The following MAP3K5 variants were observed in gnomAD, a reference collection of about 807,000 sequenced individuals.
MAP3K5 encodes the protein ASK-1.
In MAP3K5, 56 loss-of-function variants were observed where a neutral mutation model predicts 158.7. The observed-to-expected ratio is 0.35, with a 90% CI of 0.28 to 0.44. The LOEUF (loss-of-function observed/expected upper bound fraction) is 0.44. Ranked by LOEUF, MAP3K5 falls within the 20% of genes least tolerant of loss-of-function variation. The probability of loss-of-function intolerance (pLI) is 1.00; values close to 1 mark genes in which losing one functional copy is unlikely to be tolerated. For synonymous variants in MAP3K5, 579 were observed against 601.7 expected, an observed-to-expected ratio of 0.96 and a Z score of 0.55; for missense variants, 1,294 against 1,674.8, an observed-to-expected ratio of 0.77 and a Z score of 3.97.
intron 24 of MAP3K5, among the ~76,000 whole-genome samples, chr6:136,582,121 G>A (rs576475693): frequency 1.3e-5 from 2 of 152,184 alleles, no homozygotes; most frequent in Admixed American, 1.3e-4. Flanking sequence ...GGTGGAAGAG[G>A]GATCTGTTAT....
At chr6:136,585,329 G>A (rs1775076708) in intron 23 of MAP3K5, among the ~76,000 whole-genome samples, 1 of 151,422 alleles carries the variant, frequency 6.6e-6, no homozygotes, top group Admixed American at 6.6e-5. Flanking sequence ...AGTTGCCCAG[G>A]CTGGTCTCAA....
chr6:136,696,015 GT>G lies in MAP3K5; in HGVS notation c.1017del (p.Lys339AsnfsTer13). 6.2e-7 allele frequency: 1 copy of G among 1,613,600 alleles called. No homozygotes were observed. The highest frequency in any genetic ancestry group is 8.5e-7 in the Non-Finnish European group (1 of 1,179,628). ...SIVKLVETLEKLPTFDLASHH... is the reference protein window; with the variant it reads ...SIVKLVETLEXLPTFDLASHH... ...TGGGAGGCCAAATCAAAGGTTGGCAGTTTTTCTAAAGTCTCTACCAGCTTCA... is the reference window on the plus strand; with the variant it reads ...TGGGAGGCCAAATCAAAGGTTGGCAGTTTTCTAAAGTCTCTACCAGCTTCA... On this transcript the variant is annotated frameshift_variant, in exon 6 of 30. Transcript: ENST00000359015. LOFTEE classifies it high-confidence loss of function.
At chr6:136,598,934 G>A (rs1775751445) in intron 21 of MAP3K5, among the ~76,000 whole-genome samples, 1 of 152,218 alleles carries the variant, frequency 6.6e-6, no homozygotes, top group East Asian at 1.9e-4. Context: ...CACTTTGGGA[G>A]GCCGAGGTGG....
chr6:136,700,105 A>T (rs1780781518), intron 3 of MAP3K5, among the ~76,000 whole-genome samples: 1 of 152,110 alleles, frequency 6.6e-6, no homozygotes, highest in African/African-American at 2.4e-5. Context: ...TGAAAGAAGG[A>T]GAAAGAGAGA....
At chr6:136,718,287 G>A (rs1781607406) in intron 2 of MAP3K5, among the ~76,000 whole-genome samples, 1 of 152,068 alleles carries the variant, frequency 6.6e-6, no homozygotes, top group South Asian at 2.1e-4. Flanking sequence ...TCAGCTTACT[G>A]CAACCTCTGC....
chr6:136,754,445 G>A (rs776910140), intron 1 of MAP3K5, among the ~76,000 whole-genome samples: 4 of 151,928 alleles, frequency 2.6e-5, no homozygotes, highest in Non-Finnish European at 5.9e-5. Context: ...CAGATGTGGT[G>A]GCACATGTCT....
chr6:136,707,562 G>GC (rs1562632089), intron 2 of MAP3K5, among the ~76,000 whole-genome samples: 31 of 152,036 alleles, frequency 2.0e-4, no homozygotes, highest in African/African-American at 7.5e-4. Flanking sequence ...GTACTTGGGG[G>GC]GGGGGGGAAC....
At chr6:136,771,660 G>C (rs1302562720) in intron 1 of MAP3K5, among the ~76,000 whole-genome samples, 1 of 152,182 alleles carries the variant, frequency 6.6e-6, no homozygotes, top group Non-Finnish European at 1.5e-5. Flanking sequence ...TGAAGAAGCA[G>C]TCACAGAGCT....
At chr6:136,734,161 G>A (rs1025279691) in intron 1 of MAP3K5, among the ~76,000 whole-genome samples, 4 of 152,074 alleles carry the variant, frequency 2.6e-5, no homozygotes, top group Non-Finnish European at 4.4e-5. Context: ...TCACCTCACC[G>A]TAATCCCAGC....
At chr6:136,658,737 C>A (rs899216572) in intron 9 of MAP3K5, among the ~76,000 whole-genome samples, 17 of 152,234 alleles carry the variant, frequency 1.1e-4, no homozygotes, top group Non-Finnish European at 2.2e-4. Context: ...TAGAAAAACA[C>A]ACAAATATAA....
At chr6:136,560,671 G>A (rs1296681851) in intron 28 of MAP3K5, among the ~76,000 whole-genome samples, 1 of 152,088 alleles carries the variant, frequency 6.6e-6, no homozygotes, top group Non-Finnish European at 1.5e-5. Flanking sequence ...AAACAGGCCT[G>A]GCGTGGTGGT....
At chr6:136,713,369 A>C (rs1781393381) in intron 2 of MAP3K5, among the ~76,000 whole-genome samples, 1 of 152,238 alleles carries the variant, frequency 6.6e-6, no homozygotes, top group African/African-American at 2.4e-5. Context: ...GTGGTTAAAG[A>C]GGTATCAGGA....
At chr6:136,674,909 TA>T (rs149628212) in intron 7 of MAP3K5, among the ~76,000 whole-genome samples, 15,700 of 151,512 alleles carry the variant, frequency 0.1, 964 homozygotes, top group Middle Eastern at 0.21. Context: ...TTCAAAAATA[TA>T]AAAAAAATCC....
At chr6:136,699,482 A>T (rs1375705413) in intron 3 of MAP3K5, among the ~76,000 whole-genome samples, 1 of 152,188 alleles carries the variant, frequency 6.6e-6, no homozygotes, top group East Asian at 1.9e-4. Context: ...GGGAGAAAGA[A>T]GAAATTGCAA....
intron 21 of MAP3K5, among the ~76,000 whole-genome samples, chr6:136,597,635 T>G (rs1230373086): frequency 6.6e-6 from 1 of 152,212 alleles, no homozygotes; most frequent in Non-Finnish European, 1.5e-5. Flanking sequence ...GCCAGGCATT[T>G]TAATTTTTAA....
chr6:136,793,043 A>G (rs973198901), upstream of MAP3K5, among the ~76,000 whole-genome samples: 2 of 152,238 alleles, frequency 1.3e-5, no homozygotes, highest in East Asian at 3.9e-4. Flanking sequence ...GAAGACCTGG[A>G]GCGCAAGCGA....
chr6:136,667,744 G>A (rs894549780), intron 8 of MAP3K5, among the ~76,000 whole-genome samples: 8 of 151,644 alleles, frequency 5.3e-5, no homozygotes, highest in Non-Finnish European at 7.4e-5. Context: ...TCAGCTACCC[G>A]GGAGGCTGAG....
chr6:136,788,253 T>C (rs1354330813), intron 1 of MAP3K5, among the ~76,000 whole-genome samples: 1 of 152,180 alleles, frequency 6.6e-6, no homozygotes, highest in Non-Finnish European at 1.5e-5. Context: ...TGGACCCCTA[T>C]CTATCACCAT....
chr6:136,771,057 T>C (rs1224305375), intron 1 of MAP3K5, among the ~76,000 whole-genome samples: 6 of 152,196 alleles, frequency 3.9e-5, no homozygotes, highest in Admixed American at 2.0e-4. Context: ...AATTTCTGTA[T>C]GAAAGTACGT....
Sources: allele counts gnomAD v4.1 joint callset (sites outside exome capture counted in the v4.1 genomes callset), GRCh38; gene constraint gnomAD v4.1.1; transcripts MANE v1.5; gene names NCBI Gene and HGNC (gene_info 2026-07-23, HGNC 2026-07-21).